The following BSG variants were observed in gnomAD, a reference collection of about 807,000 sequenced individuals.
BSG encodes the protein basigin (Ok blood group).
Under a neutral mutation model 43.1 loss-of-function variants are expected in BSG, and 37 were observed. The observed-to-expected ratio is 0.86, with a 90% confidence interval of 0.66 to 1.13. The LOEUF is 1.13. BSG is among the 50% of genes most tolerant of loss of function. The pLI is 0.00. For missense variants in BSG, 599 were observed against 554.2 expected, an observed-to-expected ratio of 1.08 and a Z score of -0.81; for synonymous variants, 309 against 238.7, an observed-to-expected ratio of 1.29 and a Z score of -2.72.
chr19:571,615 C>A (rs754518438), upstream of BSG: 2 of 779,444 alleles, frequency 2.6e-6, no homozygotes, highest in Non-Finnish European at 4.8e-6. Context: ...GAATGGGATC[C>A]AAATGGGATA....
chr19:582,418 C>T, intron 7 of BSG, 88 bp downstream of exon 7: 1 of 1,584,688 alleles, frequency 6.3e-7, no homozygotes, highest in South Asian at 1.1e-5. Flanking sequence ...CCCTGGGCTT[C>T]AGTATTCGGG....
upstream of BSG, chr19:572,563 C>A: frequency 1.4e-6 from 2 of 1,414,288 alleles, no homozygotes. Flanking sequence ...CGCGCCTCCG[C>A]CGCTTTTTAT....
In BSG at chr19:580,424, C is replaced by A. The variant is rs753080156; in HGVS notation, c.618C>A (p.Leu206=). The A allele has an allele frequency of 6.2e-7, 1 of 1,611,274 alleles. No homozygotes were observed. Among genetic ancestry groups the A allele is most frequent in the African/African-American group, 1.3e-5 (1 of 75,020 alleles). ...DQWGEYSCVF[L]PEPMGTANIQ... is the part of the protein sequence containing the mutation. ...GGGGAGAGTACTCCTGCGTCTTCCT[C>A]CCCGAGCCCATGGGCACGGCCAACA... is the stretch of plus-strand genomic sequence containing the variant. Residue 206 remains leucine (L), a synonymous_variant, in exon 4 of 9, where the codon CTC becomes CTA. Coordinates refer to ENST00000333511, the MANE Select transcript of BSG (RefSeq NM_001728.4).
chr19:577,593 G>A (rs912570196), intron 1 of BSG, among the ~76,000 whole-genome samples, 181 bp from the exon 2 acceptor site: 4 of 152,158 alleles, frequency 2.6e-5, no homozygotes, highest in South Asian at 2.1e-4. Flanking sequence ...TGGACGGGAC[G>A]CCCACGGTCT....
chr19:580,887 C>A (rs28992478), intron 5 of BSG, 105 bp downstream of exon 5: 1 of 725,184 alleles, frequency 1.4e-6, no homozygotes, highest in Non-Finnish European at 1.9e-6. Flanking sequence ...GGTGAGGGGC[C>A]TAGACTGGGG....
chr19:573,161 G>C (rs1372410808), intron 1 of BSG, among the ~76,000 whole-genome samples: 1 of 152,206 alleles, frequency 6.6e-6, no homozygotes, highest in Non-Finnish European at 1.5e-5. Flanking sequence ...CCCAAAGCCT[G>C]GGTGAGCGTC....
At chr19:578,850 C>T in intron 2 of BSG, 1 of 361,252 alleles carries the variant, frequency 2.8e-6, no homozygotes, top group South Asian at 2.1e-5. Flanking sequence ...TCTGCCTCAG[C>T]CTCCTGAGTA....
At position 579,488 on chromosome 19, in the gene BSG, C is replaced by G. The variant is rs200976065; in HGVS notation, c.416-12C>G. On this transcript the variant is annotated splice_polypyrimidine_tract_variant and intron_variant, in intron 2 of 8. Transcript: ENST00000333511. Reference sequence around the variant, plus strand: ...CTCCACTCTGCTGACCGCGTCTCGCCGGGCCTTGCAGCCGGCACAGTCTTC... The same window carrying G: ...CTCCACTCTGCTGACCGCGTCTCGCGGGGCCTTGCAGCCGGCACAGTCTTC... 144 of 1,612,144 alleles carry G rather than the reference C, an allele frequency of 8.9e-5. No homozygotes were observed. Among genetic ancestry groups the G allele is most frequent in the Non-Finnish European group, 1.1e-4 (125 of 1,179,874 alleles).
At chr19:579,399 C>A (rs1982075803) in intron 2 of BSG, 101 bp from the exon 3 acceptor site, 1 of 1,514,814 alleles carries the variant, frequency 6.6e-7, no homozygotes, top group African/African-American at 1.4e-5. Context: ...GGGATGAAAA[C>A]CAGTCCTTCC....
intron 2 of BSG, chr19:579,155 C>T (rs1982047744): frequency 2.1e-6 from 1 of 483,028 alleles, no homozygotes; most frequent in Non-Finnish European, 4.1e-6. Context: ...GTCCCCACAC[C>T]CTGGTCCCAG....
chr19:572,450 G>A (rs970215499), upstream of BSG: 2 of 1,150,198 alleles, frequency 1.7e-6, no homozygotes, highest in Non-Finnish European at 2.1e-6. Flanking sequence ...GCCGGAGCCG[G>A]CGCGTACATG....
chr19:571,418 C>G, upstream of BSG: 1 of 714,474 alleles, frequency 1.4e-6, no homozygotes, highest in Non-Finnish European at 2.6e-6. Flanking sequence ...ACCTGTGTCG[C>G]CCCAATAGCG....
rs75034689 is a variant in BSG, at chr19:578,734, A to C, written c.415+613A>C. 37 of 244,740 alleles carry C rather than the reference A, an allele frequency of 1.5e-4. 1 individual carries two copies. The East Asian group carries it at 4.6e-3, about 31-fold the overall frequency. The allele number at this position is 244,740 out of a possible 1,614,324, so 15.2% of individuals were successfully genotyped here. Reference sequence around the variant, plus strand: ...AGCCTTGGCCGGGGGTGCTGTGGCTATTTTTTTTTTTTTTCCTGGAGATGG... The same window carrying C: ...AGCCTTGGCCGGGGGTGCTGTGGCTCTTTTTTTTTTTTTTCCTGGAGATGG... On this transcript the variant is annotated intron_variant, in intron 2 of 8. Transcript: ENST00000333511.
intron 1 of BSG, among the ~76,000 whole-genome samples, chr19:576,527 C>T (rs533122473): frequency 6.6e-6 from 1 of 152,272 alleles, no homozygotes; most frequent in African/African-American, 2.4e-5. Flanking sequence ...TTTGGGAGGC[C>T]CAAGAGGGTG....
rs749742318 is a variant in BSG at position 578,056 on chromosome 19, A to C, written c.350A>C (p.Asn117Thr). The C allele has an allele frequency of 9.3e-6, 15 of 1,610,308 alleles. No homozygotes were observed. The East Asian group carries it at 3.3e-4, about 36-fold the overall frequency. Residue 117 changes from asparagine (N) to threonine (T), a missense_variant, in exon 2 of 9, where the codon AAC (asparagine) becomes ACC (threonine). Coordinates refer to ENST00000333511, the MANE Select transcript of BSG (RefSeq NM_001728.4). ...ECRASNDPDR[N>T]HLTRAPRVKW... is the part of the protein sequence containing the mutation. ...CGGGCCAGCAACGACCCGGATCGCA[A>C]CCACCTGACCCGGGCGCCCAGGGTC...
At position 579,520 on chromosome 19, in the gene BSG, G is replaced by A. The variant is rs761969359; in HGVS notation, c.436G>A (p.Val146Ile). Reference sequence around the variant, plus strand: ...TGCAGCCGGCACAGTCTTCACTACCGTAGAAGACCTTGGCTCCAAGATACT... The same window carrying A: ...TGCAGCCGGCACAGTCTTCACTACCATAGAAGACCTTGGCTCCAAGATACT... ...VLEPGTVFTTVEDLGSKILLT... is the reference protein window; with the variant it reads ...VLEPGTVFTTIEDLGSKILLT... The change falls in exon 3 of 9, where the codon GTA becomes ATA. Residue 146 changes from valine (V) to isoleucine (I), a missense_variant. Transcript: ENST00000333511. 33 of 1,612,558 alleles carry A rather than the reference G, an allele frequency of 2.0e-5. No homozygotes were observed. The African/African-American group carries it at 2.3e-4, about 11-fold the overall frequency.
At chr19:576,157 C>T (rs547646500) in intron 1 of BSG, among the ~76,000 whole-genome samples, 6 of 152,252 alleles carry the variant, frequency 3.9e-5, no homozygotes, top group African/African-American at 1.4e-4. Context: ...AGCTCGGCTG[C>T]GGGCCCCACC....
chr19:580,027 C>T (rs1982144667), intron 3 of BSG: 1 of 411,986 alleles, frequency 2.4e-6, no homozygotes, highest in South Asian at 3.2e-5. Flanking sequence ...GCTGTCATGG[C>T]CGGAGCTTTG....
chr19:580,591 C>G, intron 4 of BSG, 55 bp from the exon 5 acceptor site: 1 of 1,608,572 alleles, frequency 6.2e-7, no homozygotes, highest in South Asian at 1.1e-5. Context: ...TGCGGGAGGC[C>G]GGGGATGGGG....
Sources: allele counts gnomAD v4.1 joint callset (sites outside exome capture counted in the v4.1 genomes callset), GRCh38; gene constraint gnomAD v4.1.1; transcripts MANE v1.5; gene names NCBI Gene and HGNC (gene_info 2026-07-23, HGNC 2026-07-21).